The following CRYBG1 variants were observed in gnomAD, a reference collection of about 807,000 sequenced individuals.
CRYBG1 encodes the protein crystallin beta-gamma domain containing 1.
A neutral mutation model predicts 189.2 loss-of-function variants in CRYBG1; 139 were observed. The ratio of observed to expected loss-of-function variants is 0.73; its 90% CI spans 0.64 to 0.85. CRYBG1 has a LOEUF of 0.85. Ranked by LOEUF, CRYBG1 falls within the 40% of genes least tolerant of loss-of-function variation. The probability of loss-of-function intolerance (pLI) is 0.00; values close to 1 mark genes in which losing one functional copy is unlikely to be tolerated. For missense variants in CRYBG1, 2,611 were observed against 2,675.8 expected, an observed-to-expected ratio of 0.98 and a Z score of 0.53; for synonymous variants, 1,023 against 1,017.1, an observed-to-expected ratio of 1.01 and a Z score of -0.11.
At chr6:106,409,033 C>A (rs569677487) in intron 1 of CRYBG1, among the ~76,000 whole-genome samples, 2 of 149,958 alleles carry the variant, frequency 1.3e-5, no homozygotes, top group African/African-American at 5.1e-5. Context: ...GGTAATCAGG[C>A]AAGAGAAAGA....
chr6:106,450,836 C>T (rs2114436155), intron 1 of CRYBG1, among the ~76,000 whole-genome samples: 1 of 152,300 alleles, frequency 6.6e-6, no homozygotes. Context: ...CCTCTCACAT[C>T]CCATTGGTCA....
At chr6:106,513,539 C>A (rs1389497183) in intron 3 of CRYBG1, among the ~76,000 whole-genome samples, 1 of 152,176 alleles carries the variant, frequency 6.6e-6, no homozygotes, top group East Asian at 1.9e-4. Context: ...TGGCAAAAAG[C>A]TTAAAAACAC....
In CRYBG1 at chr6:106,517,006, C is replaced by CTT. The variant is rs5878896; in HGVS notation, c.1923-2105_1923-2104dup. 4.9e-3 allele frequency among the ~76,000 whole-genome samples: 524 copies of CTT among 106,632 alleles called. 5 individuals carry two copies. Among genetic ancestry groups the CTT allele is most frequent in the Non-Finnish European group, 6.3e-3 (337 of 53,580 alleles). 70.0% of individuals were successfully genotyped at this position (106,632 alleles called of 152,430 possible). A position where few individuals can be genotyped will look rare whatever the true frequency, so the allele number is the denominator to read the frequency against. Reference sequence around the variant, plus strand: ...TAAACCACTGGACTAATGGTTTAGACTTTTTTTTTTTTTTTTTTTTTGAGA... The same window carrying CTT: ...TAAACCACTGGACTAATGGTTTAGACTTTTTTTTTTTTTTTTTTTTTTTGAGA... On this transcript the variant is annotated intron_variant, in intron 3 of 21. Transcript: ENST00000633556.
At chr6:106,518,247 T>G (rs1351582484) in intron 3 of CRYBG1, among the ~76,000 whole-genome samples, 1 of 152,208 alleles carries the variant, frequency 6.6e-6, no homozygotes, top group Non-Finnish European at 1.5e-5. Flanking sequence ...TTATCAGTGA[T>G]TTTTAAATAT....
At chr6:106,553,706 T>C (rs1770732) in intron 16 of CRYBG1, 139 bp downstream of exon 16, 565,786 of 655,488 alleles carry the variant, frequency 0.86, 245,710 homozygotes, top group Non-Finnish European at 0.89. Context: ...TGCTTCGTGA[T>C]ATCTGAGTAC....
intron 18 of CRYBG1, among the ~76,000 whole-genome samples, chr6:106,559,548 G>A (rs1774647786): frequency 6.6e-6 from 1 of 152,012 alleles, no homozygotes. Context: ...CTTTGGGAGG[G>A]CAAAGCGGGT....
At chr6:106,372,183 A>G (rs950025605) in intron 1 of CRYBG1, among the ~76,000 whole-genome samples, 2 of 152,370 alleles carry the variant, frequency 1.3e-5, no homozygotes, top group African/African-American at 4.8e-5. Flanking sequence ...GCCACTCCAT[A>G]ACTGATCAAC....
chr6:106,518,979 A>G lies in CRYBG1; in HGVS notation c.1923-152A>G, dbSNP rs1182120408. ...GTCTTAAAAACACATGTGTGCGCACACACACACACACATACACACACACAC... is the reference window on the plus strand; with the variant it reads ...GTCTTAAAAACACATGTGTGCGCACGCACACACACACATACACACACACAC... On this transcript the variant is annotated intron_variant, in intron 3 of 21. Coordinates refer to ENST00000633556, the MANE Select transcript of CRYBG1 (RefSeq NM_001371242.2). The G allele has an allele frequency of 1.4e-4, 92 of 674,366 alleles. 1 individual carries two copies. Among genetic ancestry groups the G allele is most frequent in the Admixed American group, 3.4e-4 (10 of 29,014 alleles). The allele number at this position is 674,366 out of a possible 1,614,324, so 41.8% of individuals were successfully genotyped here.
intron 2 of CRYBG1, among the ~76,000 whole-genome samples, chr6:106,489,470 T>A (rs1772666062): frequency 6.6e-6 from 1 of 152,068 alleles, no homozygotes; most frequent in Non-Finnish European, 1.5e-5. Context: ...TAAAAGTCTT[T>A]ATATAATATA....
chr6:106,512,577 A>G lies in CRYBG1; in HGVS notation c.1460A>G (p.Lys487Arg), dbSNP rs1207866958. 1.2e-6 allele frequency: 2 copies of G among 1,606,468 alleles called. No individual in the cohort carries two copies. Among genetic ancestry groups the G allele is most frequent in the Non-Finnish European group, 1.7e-6 (2 of 1,177,206 alleles). Reference sequence around the variant, plus strand: ...GCCTCCGCTGCGAGCCCAGAGTCCAAGCCCAGCCCCGGTACCAAAGGGCAG... The same window carrying G: ...GCCTCCGCTGCGAGCCCAGAGTCCAGGCCCAGCCCCGGTACCAAAGGGCAG... ...GVASAASPES[K>R]PSPGTKGQLR... Residue 487 changes from lysine to arginine, a missense_variant, in exon 3 of 22, where the codon AAG (lysine) becomes AGG (arginine). Coordinates refer to ENST00000633556, the MANE Select transcript of CRYBG1 (RefSeq NM_001371242.2).
At chr6:106,539,703 TAA>T (rs11366105) in intron 9 of CRYBG1, among the ~76,000 whole-genome samples, 174 bp downstream of exon 9, 40,960 of 143,042 alleles carry the variant, frequency 0.29, 6,758 homozygotes, top group East Asian at 0.47. Context: ...TGCTATAGAT[TAA>T]AAAAAAAAAA....
In CRYBG1 at chr6:106,512,258, T is replaced by A; in HGVS notation, c.1141T>A (p.Tyr381Asn). 6.4e-7 allele frequency: 1 copy of A among 1,554,744 alleles called. No homozygotes were observed. The highest frequency in any genetic ancestry group is 8.7e-7 in the Non-Finnish European group (1 of 1,153,740). The change falls in exon 3 of 22, where the codon TAC becomes AAC. Residue 381 changes from tyrosine to asparagine, a missense_variant. Transcript: ENST00000633556. ...HPAKVLTLDIYLSKTEGAQVD... is the reference protein window; with the variant it reads ...HPAKVLTLDINLSKTEGAQVD... ...TGCTAAGGTGCTAACTTTGGACATC[T>A]ACTTGAGTAAGACTGAGGGGGCACA...
In CRYBG1 at chr6:106,512,422, C is replaced by A. The variant is rs769882846; in HGVS notation, c.1305C>A (p.Ala435=). Residue 435 remains alanine (A), a synonymous_variant, in exon 3 of 22, where the codon GCC becomes GCA. Coordinates refer to ENST00000633556, the MANE Select transcript of CRYBG1 (RefSeq NM_001371242.2). ...CCACCGACTCCCCCGGCGCGGACGC[C>A]GAGCTCCCTGAGAGCGCTGCCAGGG... ...QKSTDSPGAD[A]ELPESAARDD... The A allele has an allele frequency of 6.2e-7, 1 of 1,608,852 alleles. No individual in the cohort carries two copies. Among genetic ancestry groups the A allele is most frequent in the African/African-American group, 1.3e-5 (1 of 74,874 alleles).
chr6:106,428,023 G>A (rs1405551053), intron 1 of CRYBG1, among the ~76,000 whole-genome samples: 1 of 152,156 alleles, frequency 6.6e-6, no homozygotes, highest in East Asian at 1.9e-4. Flanking sequence ...TTCCTCCTGA[G>A]AGACCTCTGT....
intron 1 of CRYBG1, among the ~76,000 whole-genome samples, chr6:106,437,580 G>A (rs1771482776): frequency 6.6e-6 from 1 of 152,088 alleles, no homozygotes; most frequent in Admixed American, 6.5e-5. Context: ...AGGACTACTG[G>A]CAAGCTCCAT....
At chr6:106,430,538 A>G (rs1229689327) in intron 1 of CRYBG1, among the ~76,000 whole-genome samples, 1 of 152,180 alleles carries the variant, frequency 6.6e-6, no homozygotes, top group Non-Finnish European at 1.5e-5. Context: ...GTTTGTAATG[A>G]TTCCATGCAT....
intron 2 of CRYBG1, among the ~76,000 whole-genome samples, chr6:106,489,644 C>G (rs1401338404): frequency 2.8e-5 from 4 of 145,204 alleles, no homozygotes; most frequent in Non-Finnish European, 6.0e-5. Context: ...CATGGTGAAA[C>G]CCTGTCTCTA....
At chr6:106,462,384 C>T (rs1772032097) in intron 2 of CRYBG1, among the ~76,000 whole-genome samples, 2 of 152,330 alleles carry the variant, frequency 1.3e-5, no homozygotes, top group South Asian at 2.1e-4. Context: ...TGGTCTCGAT[C>T]TCCTGACCTC....
chr6:106,555,191 GGAA>G (rs1562117681), intron 16 of CRYBG1, among the ~76,000 whole-genome samples: 1 of 35,188 alleles, frequency 2.8e-5, no homozygotes, highest in Admixed American at 3.2e-4. Context: ...AAGAAAAAAA[GGAA>G]AAAAAAAAAA....
Sources: gnomAD v4.1 joint callset for allele counts (sites outside exome capture counted in the v4.1 genomes callset) on GRCh38, gnomAD v4.1.1 for gene constraint, MANE v1.5 for transcripts, NCBI Gene and HGNC (gene_info 2026-07-23, HGNC 2026-07-21) for gene names.